TAFA1: variants seen among roughly 807,000 people sequenced by gnomAD.
TAFA1 encodes the protein TAFA chemokine like family member 1, also known as chemokine-like protein TAFA-1.
A neutral mutation model predicts 18.5 loss-of-function variants in TAFA1; 4 were observed. The ratio of observed to expected loss-of-function variants is 0.22; its 90% CI spans 0.11 to 0.49. TAFA1 has a LOEUF of 0.49. TAFA1 is among the 20% of genes least tolerant of loss of function. TAFA1 has a pLI of 0.98. For synonymous variants in TAFA1, 56 were observed against 55.2 expected (o/e 1.01, Z -0.06); for missense variants, 147 against 169.0 (o/e 0.87, Z 0.72).
intron 3 of TAFA1, among the ~76,000 whole-genome samples, chr3:68,436,475 A>G (rs765809169): frequency 1.5e-3 from 228 of 152,240 alleles, no homozygotes; most frequent in Non-Finnish European, 2.7e-3. Flanking sequence ...AAAGACACCA[A>G]TTAGTTTGGC....
Position 68,468,286 on chromosome 3 carries a change from A to T in TAFA1, c.259+50866A>T, listed in dbSNP as rs74603718. Among the ~76,000 whole-genome samples, 1,301 of 152,330 alleles carry T rather than the reference A, an allele frequency of 8.5e-3. 66 individuals carry two copies. The East Asian group carries it at 0.13, about 16-fold the overall frequency. On this transcript the variant is annotated intron_variant, in intron 3 of 4. Coordinates refer to ENST00000478136, the MANE Select transcript of TAFA1 (RefSeq NM_213609.4). The stretch of plus-strand genomic sequence containing the variant: ...TAGAAGGTAAAAAAAATGTTAATTG[A>T]TGGTACCTAGACTTGAGAGGTGGTG...
intron 2 of TAFA1, among the ~76,000 whole-genome samples, chr3:68,354,015 A>G (rs1156637762): frequency 1.3e-5 from 2 of 152,040 alleles, no homozygotes; most frequent in East Asian, 3.9e-4. Flanking sequence ...ATTACATATT[A>G]GCAGCCAGTG....
upstream of TAFA1, among the ~76,000 whole-genome samples, chr3:68,001,429 T>C (rs1480130460): frequency 6.6e-6 from 1 of 152,186 alleles, no homozygotes; most frequent in African/African-American, 2.4e-5. Context: ...AAATTCTGCC[T>C]TACGGATCCA....
chr3:68,127,053 C>T (rs1369134681), intron 2 of TAFA1, among the ~76,000 whole-genome samples: 1 of 152,156 alleles, frequency 6.6e-6, no homozygotes, highest in Admixed American at 6.5e-5. Context: ...AATGCATACA[C>T]TAGAGCTTCA....
chr3:68,429,424 C>A (rs146302723), intron 3 of TAFA1, among the ~76,000 whole-genome samples: 1 of 151,976 alleles, frequency 6.6e-6, no homozygotes, highest in Non-Finnish European at 1.5e-5. Context: ...TAGATCATTC[C>A]TTCCAGGACA....
At chr3:68,065,639 A>T (rs1404620822) in intron 2 of TAFA1, among the ~76,000 whole-genome samples, 1 of 152,044 alleles carries the variant, frequency 6.6e-6, no homozygotes, top group Non-Finnish European at 1.5e-5. Flanking sequence ...GAGTGGAGAC[A>T]TAGATGAATT....
intron 2 of TAFA1, among the ~76,000 whole-genome samples, chr3:68,177,019 T>G (rs2066135364): frequency 6.6e-6 from 1 of 152,202 alleles, no homozygotes; most frequent in East Asian, 1.9e-4. Context: ...AACTGGTATT[T>G]TCACCGAAGT....
intron 2 of TAFA1, among the ~76,000 whole-genome samples, chr3:68,324,667 T>A (rs1322926944): frequency 1.3e-5 from 2 of 152,190 alleles, no homozygotes; most frequent in Non-Finnish European, 2.9e-5. Context: ...ACATAATTAG[T>A]ATTTGGGAGG....
rs1037339640 is a variant in TAFA1 at position 68,438,703 on chromosome 3, C to T, written c.259+21283C>T. Among the ~76,000 whole-genome samples the T allele has an allele frequency of 2.6e-5, 4 of 152,182 alleles. 1 individual carries two copies. The highest frequency in any genetic ancestry group is 5.9e-5 in the Non-Finnish European group (4 of 68,028). ...TCTGCCTTGCCCTCAGGTTGTCTGA[C>T]ACATTCTTTGAAATCTAGGTGAAGG... is the stretch of plus-strand genomic sequence containing the variant. On this transcript the variant is annotated intron_variant, in intron 3 of 4. Coordinates refer to ENST00000478136, the MANE Select transcript of TAFA1 (RefSeq NM_213609.4).
chr3:68,140,348 A>ATGCT (rs2065654771), intron 2 of TAFA1, among the ~76,000 whole-genome samples: 1 of 152,224 alleles, frequency 6.6e-6, no homozygotes, highest in African/African-American at 2.4e-5. Flanking sequence ...GCTGAGTATG[A>ATGCT]TGCTCTCTTA....
intron 2 of TAFA1, among the ~76,000 whole-genome samples, chr3:68,407,145 A>G (rs2070627181): frequency 6.6e-6 from 1 of 152,116 alleles, no homozygotes; most frequent in Admixed American, 6.6e-5. Flanking sequence ...ATACTGGTGA[A>G]AAAAGGGAAA....
intron 2 of TAFA1, among the ~76,000 whole-genome samples, chr3:68,077,071 T>C (rs2064833970): frequency 6.6e-6 from 1 of 150,898 alleles, no homozygotes; most frequent in Non-Finnish European, 1.5e-5. Context: ...ATGGTGAGCA[T>C]TTTTTCATGT....
At chr3:68,349,345 C>T (rs751509897) in intron 2 of TAFA1, among the ~76,000 whole-genome samples, 3 of 151,896 alleles carry the variant, frequency 2.0e-5, no homozygotes, top group Admixed American at 1.3e-4. Context: ...GCACATAAGT[C>T]CCCATTTTTC....
chr3:68,498,756 T>C (rs1440418988), intron 3 of TAFA1, among the ~76,000 whole-genome samples: 1 of 92,482 alleles, frequency 1.1e-5, no homozygotes, highest in Admixed American at 1.3e-4. Flanking sequence ...TTTTTTTTTT[T>C]TGAGAGAGAG....
chr3:68,006,536 C>G, intron 1 of TAFA1, 88 bp from the exon 2 acceptor site: 3 of 832,780 alleles, frequency 3.6e-6, no homozygotes, highest in Admixed American at 3.4e-5. Context: ...AACATGACGT[C>G]TGAGACCTCC....
At chr3:68,054,963 T>A (rs1286619198) in intron 2 of TAFA1, among the ~76,000 whole-genome samples, 4 of 152,156 alleles carry the variant, frequency 2.6e-5, no homozygotes, top group Admixed American at 1.3e-4. Context: ...TAGACTATGC[T>A]CTGAAGTTTT....
chr3:68,486,371 T>C, intron 3 of TAFA1, among the ~76,000 whole-genome samples: 1 of 152,160 alleles, frequency 6.6e-6, no homozygotes, highest in East Asian at 1.9e-4. Flanking sequence ...CCCTGTGGTC[T>C]GAAACATGAC....
At chr3:68,355,534 C>T (rs192061473) in intron 2 of TAFA1, among the ~76,000 whole-genome samples, 5 of 151,936 alleles carry the variant, frequency 3.3e-5, no homozygotes, top group Non-Finnish European at 7.4e-5. Context: ...TTAGTGCATA[C>T]TAATGATTAT....
At chr3:68,181,347 C>T (rs2066196768) in intron 2 of TAFA1, among the ~76,000 whole-genome samples, 1 of 135,908 alleles carries the variant, frequency 7.4e-6, no homozygotes. Context: ...TACCTTACTC[C>T]AGAGAAAGAT....
Sources: gnomAD v4.1 joint callset for allele counts (sites outside exome capture counted in the v4.1 genomes callset) on GRCh38, gnomAD v4.1.1 for gene constraint, MANE v1.5 for transcripts, NCBI Gene and HGNC (gene_info 2026-07-23, HGNC 2026-07-21) for gene names.